ITGA9: variants seen among roughly 807,000 people sequenced by gnomAD.
ITGA9 encodes integrin alpha-9.
In ITGA9, 56 loss-of-function variants were observed where a neutral mutation model predicts 127.8. That is an observed-to-expected ratio of 0.44 (90% CI 0.35 to 0.55). The LOEUF (loss-of-function observed/expected upper bound fraction) is 0.55. ITGA9 is among the 20% of genes least tolerant of loss of function. The probability of loss-of-function intolerance (pLI) is 0.00; values close to 1 mark genes in which losing one functional copy is unlikely to be tolerated. For missense variants in ITGA9, 1,196 were observed against 1,347.1 expected (o/e 0.89, Z 1.76); for synonymous variants, 508 against 514.5 (o/e 0.99, Z 0.17).
intron 1 of ITGA9, among the ~76,000 whole-genome samples, chr3:37,463,862 G>A (rs751116792): frequency 2.0e-5 from 3 of 152,114 alleles, no homozygotes; most frequent in Admixed American, 6.5e-5. Context: ...AACCTAAATA[G>A]CAAACACAGA....
chr3:37,680,130 G>A (rs1331819848), intron 17 of ITGA9, among the ~76,000 whole-genome samples: 1 of 152,142 alleles, frequency 6.6e-6, no homozygotes, highest in Non-Finnish European at 1.5e-5. Flanking sequence ...TACCAGCACA[G>A]CGTCTTCTCT....
chr3:37,562,787 A>G (rs1699506740), intron 15 of ITGA9, among the ~76,000 whole-genome samples: 1 of 152,056 alleles, frequency 6.6e-6, no homozygotes, highest in East Asian at 1.9e-4. Context: ...CCTTCTTTCC[A>G]TCAGCTGTGT....
At chr3:37,769,911 T>G (rs1468648772) in intron 23 of ITGA9, among the ~76,000 whole-genome samples, 1 of 152,134 alleles carries the variant, frequency 6.6e-6, no homozygotes, top group Non-Finnish European at 1.5e-5. Context: ...GGCTTCAGTA[T>G]GTGGAATAGC....
At chr3:37,617,384 C>T (rs868699451) in intron 15 of ITGA9, among the ~76,000 whole-genome samples, 6 of 152,218 alleles carry the variant, frequency 3.9e-5, no homozygotes, top group South Asian at 4.1e-4. Flanking sequence ...TTCTCTCTGG[C>T]TGCCCTTAAC....
Position 37,819,258 on chromosome 3 carries a change from G to C in ITGA9, c.*269G>C. The C allele has an allele frequency of 1.9e-6, 1 of 532,426 alleles. No homozygotes were observed. Among genetic ancestry groups the C allele is most frequent in the South Asian group, 2.2e-5 (1 of 44,766 alleles). The allele number at this position is 532,426 out of a possible 1,614,324, so 33.0% of individuals were successfully genotyped here. On this transcript the variant is annotated 3_prime_UTR_variant, in exon 28 of 28. Transcript: ENST00000264741. ...CGAGCAATATTTATGGATGCAACAC[G>C]CATGGTCAACCCTCAGGGGAAAACT...
chr3:37,639,785 C>T (rs1335875243), intron 16 of ITGA9, among the ~76,000 whole-genome samples: 1 of 151,990 alleles, frequency 6.6e-6, no homozygotes, highest in African/African-American at 2.4e-5. Context: ...AGAGTTGACT[C>T]CTAATTAATT....
intron 15 of ITGA9, among the ~76,000 whole-genome samples, chr3:37,594,174 C>T (rs1024516882): frequency 6.6e-6 from 1 of 152,212 alleles, no homozygotes; most frequent in Non-Finnish European, 1.5e-5. Flanking sequence ...GAGCAGGGAT[C>T]TGGGGAGGCT....
chr3:37,591,840 G>A (rs774576739), intron 15 of ITGA9, among the ~76,000 whole-genome samples: 11 of 152,202 alleles, frequency 7.2e-5, no homozygotes, highest in Admixed American at 1.3e-4. Context: ...CAGCCTGAGC[G>A]CCTTGGGTTT....
At chr3:37,502,665 A>G (rs1044470347) in intron 5 of ITGA9, among the ~76,000 whole-genome samples, 1 of 152,176 alleles carries the variant, frequency 6.6e-6, no homozygotes, top group African/African-American at 2.4e-5. Flanking sequence ...CATGTTCTAG[A>G]ACGTCCCTGA....
intron 1 of ITGA9, among the ~76,000 whole-genome samples, chr3:37,464,283 T>G (rs1698347896): frequency 6.6e-6 from 1 of 151,644 alleles, no homozygotes; most frequent in Non-Finnish European, 1.5e-5. Context: ...AGGGTTTTTT[T>G]TTTTTTTTTA....
chr3:37,540,229 G>T (rs887340379), intron 14 of ITGA9, among the ~76,000 whole-genome samples: 1 of 152,180 alleles, frequency 6.6e-6, no homozygotes, highest in African/African-American at 2.4e-5. Context: ...TGGGAAGGAG[G>T]CTGGTCAGGG....
intron 15 of ITGA9, among the ~76,000 whole-genome samples, chr3:37,624,762 A>G (rs190835958): frequency 6.6e-6 from 1 of 152,126 alleles, no homozygotes; most frequent in African/African-American, 2.4e-5. Context: ...GTGCTCCACC[A>G]CGCCCGGCTA....
chr3:37,471,223 C>G, intron 2 of ITGA9, 89 bp downstream of exon 2: 1 of 1,433,252 alleles, frequency 7.0e-7, no homozygotes, highest in Non-Finnish European at 9.8e-7. Flanking sequence ...ATCATTCACT[C>G]ACCCATCCAT....
At chr3:37,484,786 T>C (rs1444018474) in intron 4 of ITGA9, among the ~76,000 whole-genome samples, 2 of 152,174 alleles carry the variant, frequency 1.3e-5, no homozygotes, top group African/African-American at 4.8e-5. Context: ...GATGGGTTAT[T>C]TAAGTTCTCT....
intron 18 of ITGA9, among the ~76,000 whole-genome samples, chr3:37,689,872 A>G (rs1700815004): frequency 6.6e-6 from 1 of 152,212 alleles, no homozygotes. Context: ...TGCCTGCTAA[A>G]TGCTAGGGAC....
In ITGA9 at chr3:37,503,243, T is replaced by A. The variant is rs1362355170; in HGVS notation, c.678T>A (p.Leu226=). 1 of 1,614,110 alleles carries A rather than the reference T, an allele frequency of 6.2e-7. No individual in the cohort carries two copies. Among genetic ancestry groups the A allele is most frequent in the Admixed American group, 1.7e-5 (1 of 60,022 alleles). ...YWAGTIKVLN[L]TDNTYLKLND... ...CTGGAACCATCAAAGTGCTGAACCT[T>A]ACGGACAACACCTATTTAAAACTGA... Residue 226 remains leucine (L), a synonymous_variant, in exon 6 of 28, where the codon CTT becomes CTA. Transcript: ENST00000264741.
chr3:37,689,222 A>G (rs1700808646), intron 18 of ITGA9, among the ~76,000 whole-genome samples: 1 of 152,150 alleles, frequency 6.6e-6, no homozygotes, highest in Admixed American at 6.5e-5. Context: ...CCTGCAATGG[A>G]TTTTTCTGTC....
chr3:37,633,813 C>G (rs1357949164), intron 16 of ITGA9, among the ~76,000 whole-genome samples: 1 of 152,118 alleles, frequency 6.6e-6, no homozygotes. Flanking sequence ...GCAGCTCACT[C>G]CCACTGCCCA....
rs2965065 is a variant in ITGA9, at chr3:37,494,481, C to A, written c.545-20C>A. 1 of 1,583,872 alleles carries A rather than the reference C, an allele frequency of 6.3e-7. No individual in the cohort carries two copies. Among genetic ancestry groups the A allele is most frequent in the Non-Finnish European group, 8.7e-7 (1 of 1,153,424 alleles). ...ACTGACATGGCTGTGGTTTGCTTCT[C>A]TCTCCTTCCTTCCCCCTAGAGTATA... On this transcript the variant is annotated intron_variant, in intron 4 of 27. Coordinates refer to ENST00000264741, the MANE Select transcript of ITGA9 (RefSeq NM_002207.3).
Sources: gnomAD v4.1 joint callset for allele counts (sites outside exome capture counted in the v4.1 genomes callset) on GRCh38, gnomAD v4.1.1 for gene constraint, MANE v1.5 for transcripts, NCBI Gene and HGNC (gene_info 2026-07-23, HGNC 2026-07-21) for gene names.